MGAT4C: variants seen among roughly 807,000 people sequenced by gnomAD.
MGAT4C encodes alpha-1,3-mannosyl-glycoprotein 4-beta-N-acetylglucosaminyltransferase C.
Under a neutral mutation model 40.1 loss-of-function variants are expected in MGAT4C, and 19 were observed. The ratio of observed to expected loss-of-function variants is 0.47; its 90% confidence interval spans 0.33 to 0.70. The LOEUF is 0.70. Among genes scored for constraint, MGAT4C ranks in the 30% least tolerant of loss-of-function variants. The probability of loss-of-function intolerance (pLI) is 0.02; values close to 1 mark genes in which losing one functional copy is unlikely to be tolerated. For missense variants in MGAT4C, 491 were observed against 563.2 expected, an observed-to-expected ratio of 0.87 and a Z score of 1.30; for synonymous variants, 181 against 187.1, an observed-to-expected ratio of 0.97 and a Z score of 0.27.
chr12:86,400,081 T>C (rs1257893232), intron 3 of MGAT4C, among the ~76,000 whole-genome samples: 2 of 152,178 alleles, frequency 1.3e-5, no homozygotes, highest in African/African-American at 4.8e-5. Context: ...TCCAGGTAGA[T>C]AGTGTCAGAA....
intron 1 of MGAT4C, among the ~76,000 whole-genome samples, chr12:86,080,616 C>G (rs1870655057): frequency 6.6e-6 from 1 of 152,180 alleles, no homozygotes; most frequent in African/African-American, 2.4e-5. Flanking sequence ...CGCACCCACA[C>G]ACACCGGTAC....
chr12:86,826,921 T>A (rs1952820013), intron 1 of MGAT4C, among the ~76,000 whole-genome samples: 1 of 151,428 alleles, frequency 6.6e-6, no homozygotes, highest in Non-Finnish European at 1.5e-5. Flanking sequence ...AAAAGAATGA[T>A]TGTAAAGCCA....
chr12:85,980,995 G>T (rs1166332296), intron 4 of MGAT4C, among the ~76,000 whole-genome samples: 1 of 151,788 alleles, frequency 6.6e-6, no homozygotes, highest in African/African-American at 2.4e-5. Flanking sequence ...TCATTATGTT[G>T]TACTAGAATT....
At chr12:86,619,422 T>G (rs1239106689) in intron 2 of MGAT4C, among the ~76,000 whole-genome samples, 1 of 152,124 alleles carries the variant, frequency 6.6e-6, no homozygotes, top group African/African-American at 2.4e-5. Context: ...CTACACCAGC[T>G]TGACAAAATA....
chr12:86,201,842 A>G (rs1950063741), intron 1 of MGAT4C, among the ~76,000 whole-genome samples: 1 of 152,030 alleles, frequency 6.6e-6, no homozygotes, highest in Non-Finnish European at 1.5e-5. Flanking sequence ...AATGGTTTTA[A>G]TGTTTAGTGC....
At chr12:86,173,241 CTG>C (rs1336776127) in intron 1 of MGAT4C, among the ~76,000 whole-genome samples, 1 of 152,088 alleles carries the variant, frequency 6.6e-6, no homozygotes, top group East Asian at 1.9e-4. Flanking sequence ...TAATTTAACT[CTG>C]TATCAGCAAT....
chr12:86,659,391 T>A (rs919742687), intron 2 of MGAT4C, among the ~76,000 whole-genome samples: 2 of 152,086 alleles, frequency 1.3e-5, no homozygotes, highest in Admixed American at 1.3e-4. Flanking sequence ...TCAACTTCAA[T>A]TAATTTTTTT....
At chr12:86,405,533 C>G (rs893319917) in intron 3 of MGAT4C, among the ~76,000 whole-genome samples, 1 of 151,820 alleles carries the variant, frequency 6.6e-6, no homozygotes, top group Non-Finnish European at 1.5e-5. Flanking sequence ...ATTGACTAAA[C>G]GTAGTAAAGA....
At chr12:86,670,102 G>T (rs1342705100) in intron 2 of MGAT4C, among the ~76,000 whole-genome samples, 1 of 152,050 alleles carries the variant, frequency 6.6e-6, no homozygotes, top group Non-Finnish European at 1.5e-5. Flanking sequence ...AGAAGTTCTA[G>T]TGTTTCCAAA....
At chr12:86,715,266 A>G (rs1232293372) in intron 2 of MGAT4C, among the ~76,000 whole-genome samples, 2 of 152,064 alleles carry the variant, frequency 1.3e-5, no homozygotes, top group East Asian at 1.9e-4. Context: ...TCTTAAAGTA[A>G]ACTACCATAC....
chr12:86,459,063 T>C (rs1957552822), intron 2 of MGAT4C, among the ~76,000 whole-genome samples: 1 of 152,214 alleles, frequency 6.6e-6, no homozygotes, highest in African/African-American at 2.4e-5. Flanking sequence ...TATGTGTATA[T>C]GCTTATGAAT....
chr12:86,763,584 T>A (rs1487066717), intron 1 of MGAT4C, among the ~76,000 whole-genome samples: 2 of 152,188 alleles, frequency 1.3e-5, no homozygotes, highest in Admixed American at 6.5e-5. Context: ...ACAAAAATAA[T>A]TCATAATGAT....
chr12:86,747,272 G>A (rs767921202), intron 1 of MGAT4C, among the ~76,000 whole-genome samples: 6 of 151,496 alleles, frequency 4.0e-5, no homozygotes, highest in African/African-American at 9.7e-5. Flanking sequence ...TAGAAATGCC[G>A]TTGAGCCGTA....
At chr12:86,124,765 G>C (rs1345772633) in intron 1 of MGAT4C, among the ~76,000 whole-genome samples, 4 of 152,064 alleles carry the variant, frequency 2.6e-5, no homozygotes, top group Non-Finnish European at 4.4e-5. Context: ...CACAGAGACA[G>C]GGTCATACAG....
chr12:86,673,767 G>A (rs1297823963), intron 2 of MGAT4C, among the ~76,000 whole-genome samples: 1 of 151,878 alleles, frequency 6.6e-6, no homozygotes, highest in Non-Finnish European at 1.5e-5. Context: ...AAGAGGCAAA[G>A]TTATGTCTTA....
chr12:86,256,385 T>C lies in MGAT4C; in HGVS notation c.-203A>G, dbSNP rs1444602493. The C allele has an allele frequency of 3.3e-5, 5 of 152,178 alleles. No homozygotes were observed. Among genetic ancestry groups the C allele is most frequent in the African/African-American group, 1.2e-4 (5 of 41,446 alleles). The allele number at this position is 152,178 out of a possible 1,614,324, so 9.4% of individuals were successfully genotyped here. A position where few individuals can be genotyped will look rare whatever the true frequency, so the allele number is the denominator to read the frequency against. On this transcript the variant is annotated 5_prime_UTR_variant, in exon 1 of 5. Coordinates refer to ENST00000611864, the MANE Select transcript of MGAT4C (RefSeq NM_001351288.2). ...AACATCCATCATAATGGCACTGTGCTGAAACTGAACGCTACCTCAGCTGTT... is the reference window on the plus strand; with the variant it reads ...AACATCCATCATAATGGCACTGTGCCGAAACTGAACGCTACCTCAGCTGTT...
chr12:86,571,748 T>A (rs1048672111), intron 2 of MGAT4C, among the ~76,000 whole-genome samples: 1 of 152,122 alleles, frequency 6.6e-6, no homozygotes, highest in Non-Finnish European at 1.5e-5. Flanking sequence ...TAATTTTATC[T>A]GAATAGGAAA....
intron 4 of MGAT4C, among the ~76,000 whole-genome samples, chr12:86,279,537 T>G (rs1221184780): frequency 2.0e-5 from 3 of 152,028 alleles, no homozygotes; most frequent in Non-Finnish European, 4.4e-5. Context: ...TATTTGGGTC[T>G]CCTCTCTCTT....
chr12:86,301,721 CAATG>C (rs1013279239), intron 4 of MGAT4C, among the ~76,000 whole-genome samples: 10 of 152,132 alleles, frequency 6.6e-5, no homozygotes, highest in Admixed American at 5.9e-4. Flanking sequence ...AATAAGAAAA[CAATG>C]AAACATACTC....
Sources: gnomAD v4.1 joint callset for allele counts (sites outside exome capture counted in the v4.1 genomes callset) on GRCh38, gnomAD v4.1.1 for gene constraint, MANE v1.5 for transcripts, NCBI Gene and HGNC (gene_info 2026-07-23, HGNC 2026-07-21) for gene names.